The following ANAPC4 variants were observed in gnomAD, a reference collection of about 807,000 sequenced individuals.
ANAPC4 encodes anaphase promoting complex subunit 4.
Under a neutral mutation model 119.8 loss-of-function variants are expected in ANAPC4, and 63 were observed. The ratio of observed to expected loss-of-function variants is 0.53; its 90% confidence interval spans 0.43 to 0.65. The LOEUF (loss-of-function observed/expected upper bound fraction) is 0.65, where lower values mean the gene tolerates loss of function less well. ANAPC4 is among the 30% of genes least tolerant of loss of function. The probability of loss-of-function intolerance (pLI) is 0.00; values close to 1 mark genes in which losing one functional copy is unlikely to be tolerated. For missense variants in ANAPC4, 716 were observed against 945.1 expected, an observed-to-expected ratio of 0.76 and a Z score of 3.18; for synonymous variants, 283 against 318.6, an observed-to-expected ratio of 0.89 and a Z score of 1.19.
chr4:25,413,939 G>T, intron 22 of ANAPC4, 197 bp downstream of exon 22: 1 of 530,376 alleles, frequency 1.9e-6, no homozygotes, highest in South Asian at 3.0e-5. Context: ...ACGTGTGTGT[G>T]TGTGTGTGTG....
chr4:25,395,595 G>A (rs1370860954), intron 14 of ANAPC4, among the ~76,000 whole-genome samples: 7 of 151,956 alleles, frequency 4.6e-5, no homozygotes, highest in Admixed American at 3.3e-4. Context: ...GATTACAGGC[G>A]CAAACCACTA....
At chr4:25,392,027 T>G (rs1035063949) in intron 9 of ANAPC4, among the ~76,000 whole-genome samples, 4 of 152,226 alleles carry the variant, frequency 2.6e-5, no homozygotes, top group Non-Finnish European at 4.4e-5. Context: ...CTTTAATTCC[T>G]TATACTTCCT....
chr4:25,379,233 A>G (rs921268734), intron 2 of ANAPC4, among the ~76,000 whole-genome samples: 1 of 152,052 alleles, frequency 6.6e-6, no homozygotes, highest in African/African-American at 2.4e-5. Flanking sequence ...GAGGAGAGGT[A>G]ATTGAGAGCT....
At chr4:25,383,852 G>C (rs1160226006) in intron 4 of ANAPC4, among the ~76,000 whole-genome samples, 2 of 152,170 alleles carry the variant, frequency 1.3e-5, no homozygotes, top group Non-Finnish European at 2.9e-5. Context: ...ATTTTGCCTT[G>C]GTGCTGACAG....
chr4:25,408,075 G>A (rs1723360197), intron 20 of ANAPC4, among the ~76,000 whole-genome samples: 1 of 152,144 alleles, frequency 6.6e-6, no homozygotes, highest in Non-Finnish European at 1.5e-5. Flanking sequence ...CATATCTGCT[G>A]CTACATTCAG....
At chr4:25,378,784 T>C (rs1354357032) in intron 2 of ANAPC4, among the ~76,000 whole-genome samples, 2 of 152,202 alleles carry the variant, frequency 1.3e-5, no homozygotes, top group Admixed American at 6.5e-5. Flanking sequence ...GTGTTATTAT[T>C]TGAGAGACAC....
intron 25 of ANAPC4, 47 bp from the exon 26 acceptor site, chr4:25,415,419 C>G (rs1275122867): frequency 2.8e-6 from 4 of 1,421,328 alleles, no homozygotes; most frequent in Non-Finnish European, 4.0e-6. Flanking sequence ...TATTGACTAT[C>G]CAGGTTGTTC....
At chr4:25,406,674 A>T (rs1262928476) in intron 18 of ANAPC4, among the ~76,000 whole-genome samples, 155 bp from the exon 19 acceptor site, 1 of 152,238 alleles carries the variant, frequency 6.6e-6, no homozygotes, top group Non-Finnish European at 1.5e-5. Flanking sequence ...ATATTTTCAC[A>T]GTCGCATAAT....
At chr4:25,410,257 C>T (rs1449900273) in intron 21 of ANAPC4, among the ~76,000 whole-genome samples, 56 of 152,094 alleles carry the variant, frequency 3.7e-4, no homozygotes, top group Admixed American at 3.7e-3. Context: ...GTAAAGCTAT[C>T]CAGCATTATT....
Position 25,393,876 on chromosome 4 carries a change from C to T in ANAPC4, c.861C>T (p.Leu287=). The change falls in exon 11 of 29, where the codon CTC becomes CTT. Residue 287 remains leucine, a synonymous_variant. Coordinates refer to ENST00000315368, the MANE Select transcript of ANAPC4 (RefSeq NM_013367.3). The part of the protein sequence containing the change: ...EEILMQMDSR[L]TKFVQEKNTT... ...TACTAATGCAGATGGATTCTCGTCT[C>T]ACCAAGTTTGTGCAGGTAAAGCAGC... The T allele has an allele frequency of 6.2e-7, 1 of 1,609,830 alleles. No homozygotes were observed. The highest frequency in any genetic ancestry group is 8.5e-7 in the Non-Finnish European group (1 of 1,177,854).
chr4:25,377,873 C>T (rs184476096), intron 2 of ANAPC4, among the ~76,000 whole-genome samples: 1 of 152,344 alleles, frequency 6.6e-6, no homozygotes, highest in African/African-American at 2.4e-5. Context: ...GTTAAATGAA[C>T]TTTTTAAAAA....
chr4:25,402,202 A>G (rs1723016558), intron 16 of ANAPC4, among the ~76,000 whole-genome samples: 1 of 152,184 alleles, frequency 6.6e-6, no homozygotes, highest in African/African-American at 2.4e-5. Context: ...TTTACTTTGT[A>G]CTGAAAGGTT....
chr4:25,388,506 C>T lies in ANAPC4; in HGVS notation c.375C>T (p.Leu125=). ...TTTATTTTTTCCTTTTTAGTGTTCTCACATCATTTTATAATGCTGAGGATG... is the reference window on the plus strand; with the variant it reads ...TTTATTTTTTCCTTTTTAGTGTTCTTACATCATTTTATAATGCTGAGGATG... ...WMEVTVESSV[L]TSFYNAEDES... Residue 125 remains leucine, a synonymous_variant, in exon 5 of 29, where the codon CTC becomes CTT. Transcript: ENST00000315368. 6.3e-7 allele frequency: 1 copy of T among 1,589,266 alleles called. No individual in the cohort carries two copies. Among genetic ancestry groups the T allele is most frequent in the African/African-American group, 1.3e-5 (1 of 74,382 alleles).
intron 3 of ANAPC4, among the ~76,000 whole-genome samples, chr4:25,381,206 GATAAAT>G (rs1167878749): frequency 1.1e-4 from 17 of 152,150 alleles, no homozygotes; most frequent in Admixed American, 7.2e-4. Context: ...TTTTTCTGTA[GATAAAT>G]ATAAAGTATT....
intron 8 of ANAPC4, 35 bp from the exon 9 acceptor site, chr4:25,390,876 T>C: frequency 6.7e-7 from 1 of 1,503,472 alleles, no homozygotes; most frequent in Non-Finnish European, 9.2e-7. Flanking sequence ...CTAGCAGTGA[T>C]ACTAAATATA....
At chr4:25,406,924 A>G in intron 19 of ANAPC4, 39 bp downstream of exon 19, 1 of 1,439,504 alleles carries the variant, frequency 6.9e-7, no homozygotes. Flanking sequence ...TTTAAAAAAA[A>G]ATTACAGTAA....
At chr4:25,390,105 G>A in intron 7 of ANAPC4, 31 bp from the exon 8 acceptor site, 1 of 1,453,770 alleles carries the variant, frequency 6.9e-7, no homozygotes, top group Non-Finnish European at 9.6e-7. Context: ...TTGTTGATTG[G>A]TTCTCAGCTT....
At position 25,407,185 on chromosome 4, in the gene ANAPC4, A is replaced by T. The variant is rs1313090438; in HGVS notation, c.1375-12A>T. On this transcript the variant is annotated splice_polypyrimidine_tract_variant and intron_variant, in intron 19 of 28. Coordinates refer to ENST00000315368, the MANE Select transcript of ANAPC4 (RefSeq NM_013367.3). ...TTGACTTAAGAATTAAACTATGTTT[A>T]TTTTTTTCCAGGCTCCAGACCTTTA... 3 of 1,588,848 alleles carry T rather than the reference A, an allele frequency of 1.9e-6. No individual in the cohort carries two copies. Among genetic ancestry groups the T allele is most frequent in the Admixed American group, 3.7e-5 (2 of 53,560 alleles).
At chr4:25,394,410 T>G (rs746922262) in intron 12 of ANAPC4, 36 bp downstream of exon 12, 2 of 1,524,508 alleles carry the variant, frequency 1.3e-6, no homozygotes, top group African/African-American at 2.8e-5. Flanking sequence ...TGTTTTTGCT[T>G]CTTTTTTAAC....
Sources: gnomAD v4.1 joint callset for allele counts (sites outside exome capture counted in the v4.1 genomes callset) on GRCh38, gnomAD v4.1.1 for gene constraint, MANE v1.5 for transcripts, NCBI Gene and HGNC (gene_info 2026-07-23, HGNC 2026-07-21) for gene names.